CEP350: variants seen among roughly 807,000 people sequenced by gnomAD.
The protein encoded by CEP350 is centrosomal protein 350, also known as centrosome-associated protein 350.
A neutral mutation model predicts 331.8 loss-of-function variants in CEP350; 126 were observed. That is an observed-to-expected ratio of 0.38 (90% CI 0.33 to 0.44). The LOEUF is 0.44. CEP350 is among the 20% of genes least tolerant of loss of function. The pLI, the probability that CEP350 is intolerant of heterozygous loss-of-function variation, is 1.00. For missense variants in CEP350, 3,406 were observed against 3,634.6 expected (o/e 0.94, Z 1.62); for synonymous variants, 1,200 against 1,259.5 (o/e 0.95, Z 1.00).
At chr1:179,992,788 A>G (rs1208407877) in intron 5 of CEP350, among the ~76,000 whole-genome samples, 1 of 152,182 alleles carries the variant, frequency 6.6e-6, no homozygotes, top group Non-Finnish European at 1.5e-5. Flanking sequence ...ATAGCTTAAG[A>G]TATTCAACTG....
chr1:179,969,560 A>G, intron 1 of CEP350: 1 of 345,294 alleles, frequency 2.9e-6, no homozygotes, highest in South Asian at 2.3e-5. Context: ...GGTTGATGGA[A>G]AATAAGCAGC....
intron 14 of CEP350, 66 bp from the exon 15 acceptor site, chr1:180,031,254 T>A: frequency 1.1e-6 from 1 of 897,268 alleles, no homozygotes; most frequent in Non-Finnish European, 1.8e-6. Context: ...GAAATCTATA[T>A]ATCAATTATC....
intron 30 of CEP350, 129 bp downstream of exon 30, chr1:180,080,790 TGAA>T: frequency 2.6e-6 from 2 of 760,474 alleles, no homozygotes; most frequent in South Asian, 1.5e-5. Context: ...TGTAGGATTG[TGAA>T]GAAGATTAAT....
At chr1:180,101,348 A>G (rs1280305434) in intron 37 of CEP350, among the ~76,000 whole-genome samples, 1 of 152,172 alleles carries the variant, frequency 6.6e-6, no homozygotes, top group African/African-American at 2.4e-5. Flanking sequence ...AAGAAATGCT[A>G]AATGAACTAG....
chr1:179,991,171 A>G (rs1558083054), intron 4 of CEP350, among the ~76,000 whole-genome samples: 1 of 151,886 alleles, frequency 6.6e-6, no homozygotes, highest in Non-Finnish European at 1.5e-5. Context: ...TGGAAATGAA[A>G]TTTAGTTGAC....
Position 180,084,223 on chromosome 1 carries a change from A to T in CEP350, c.6285+45A>T, listed in dbSNP as rs201339962. ...GGGTTTAGTATCAAGGCTAATGTGT[A>T]TGTGACGTCTAAAATGTTTTTAATG... On this transcript the variant is annotated intron_variant, in intron 31 of 37. Transcript: ENST00000367607. 5.1e-5 allele frequency: 74 copies of T among 1,460,092 alleles called. No individual in the cohort carries two copies. The African/African-American group carries it at 1.1e-3, about 21-fold the overall frequency. The allele number at this position is 1,460,092 out of a possible 1,614,324, so 90.4% of individuals were successfully genotyped here.
intron 32 of CEP350, among the ~76,000 whole-genome samples, chr1:180,088,723 G>T (rs980693600): frequency 4.6e-5 from 7 of 152,078 alleles, no homozygotes; most frequent in African/African-American, 1.4e-4. Flanking sequence ...TTATTTAACC[G>T]CTCTGTGCTT....
intron 3 of CEP350, among the ~76,000 whole-genome samples, chr1:179,990,165 G>A (rs1242947859): frequency 1.3e-5 from 2 of 151,160 alleles, no homozygotes; most frequent in East Asian, 1.9e-4. Context: ...CAGCCTGCGC[G>A]ACAGACCGAG....
Position 180,034,129 on chromosome 1 carries a change from T to G in CEP350, c.3946+47T>G, listed in dbSNP as rs541220332. On this transcript the variant is annotated intron_variant, in intron 16 of 37. Transcript: ENST00000367607. ...TAATTTTTAGAATACGATATGAAAT[T>G]TTTTTCTCTCAACATTCCTTTTCTT... 8.6e-5 allele frequency: 134 copies of G among 1,560,072 alleles called. 1 individual carries two copies. The highest frequency in any genetic ancestry group is 4.1e-4 in the South Asian group (35 of 85,090).
intron 22 of CEP350, chr1:180,052,429 C>T (rs1657569890): frequency 6.4e-6 from 2 of 314,316 alleles, no homozygotes; most frequent in Non-Finnish European, 6.2e-6. Context: ...AGGGAAAATA[C>T]AGTTTGAGCC....
At chr1:180,066,276 C>T (rs1188478937) in intron 27 of CEP350, among the ~76,000 whole-genome samples, 1 of 152,106 alleles carries the variant, frequency 6.6e-6, no homozygotes, top group African/African-American at 2.4e-5. Context: ...CTGTAACCTC[C>T]ACCCCATATC....
At position 180,096,126 on chromosome 1, in the gene CEP350, G is replaced by A. The variant is rs1213071449; in HGVS notation, c.9008G>A (p.Arg3003Lys). The A allele has an allele frequency of 1.3e-6, 2 of 1,566,954 alleles. No homozygotes were observed. Among genetic ancestry groups the A allele is most frequent in the Non-Finnish European group, 1.7e-6 (2 of 1,153,916 alleles). ...LNQPVWMKPC[R>K]INSSYFRRVK... is the part of the protein sequence containing the mutation. Reference sequence around the variant, plus strand: ...CAACCTGTCTGGATGAAGCCATGTAGAATCAACTCTAGTTATTTCCGACGA... The same window carrying A: ...CAACCTGTCTGGATGAAGCCATGTAAAATCAACTCTAGTTATTTCCGACGA... Residue 3003 changes from arginine (R) to lysine (K), a missense_variant, in exon 36 of 38, where the codon AGA becomes AAA. Arg to Lys is a conservative substitution (Grantham distance 26). Coordinates refer to ENST00000367607, the MANE Select transcript of CEP350 (RefSeq NM_014810.5).
rs377416671 is a variant in CEP350, at chr1:179,996,551, A to C, written c.396-2A>C. 8.5e-6 allele frequency: 13 copies of C among 1,532,828 alleles called. No homozygotes were observed. The African/African-American group carries it at 1.7e-4, about 20-fold the overall frequency. 95.0% of individuals were successfully genotyped at this position (1,532,828 alleles called of 1,614,324 possible). A position where few individuals can be genotyped will look rare whatever the true frequency, so the allele number is the denominator to read the frequency against. ...CACAGAGCTTATTATTTTTTATTGT[A>C]GGGAAATCCATGGTGCACCTTCCAA... On this transcript the variant is annotated splice_acceptor_variant, in intron 5 of 37. Coordinates refer to ENST00000367607, the MANE Select transcript of CEP350 (RefSeq NM_014810.5). LOFTEE classifies it high-confidence loss of function.
At chr1:179,957,223 G>T (rs1650234279) in intron 1 of CEP350, among the ~76,000 whole-genome samples, 1 of 152,092 alleles carries the variant, frequency 6.6e-6, no homozygotes, top group African/African-American at 2.4e-5. Context: ...CAAGCCACAT[G>T]ATCAGTAACA....
At chr1:180,071,702 A>T (rs2149047889) in intron 27 of CEP350, among the ~76,000 whole-genome samples, 1 of 152,170 alleles carries the variant, frequency 6.6e-6, no homozygotes, top group African/African-American at 2.4e-5. Flanking sequence ...AGAGTCGCTG[A>T]ACCTGGGAGG....
chr1:179,983,519 G>A (rs1023605292), intron 1 of CEP350, among the ~76,000 whole-genome samples: 1 of 152,214 alleles, frequency 6.6e-6, no homozygotes, highest in Admixed American at 6.5e-5. Flanking sequence ...ACAGGCTTGA[G>A]CCACTGTGCC....
chr1:180,095,559 C>G lies in CEP350; in HGVS notation c.8548C>G (p.Leu2850Val). Residue 2850 changes from leucine (L) to valine (V), a missense_variant, in exon 35 of 38, where the codon CTT becomes GTT. This residue lies in a region of CEP350 where 1,415 missense variants were observed against 1,512.3 expected (regional missense o/e 0.94). Coordinates refer to ENST00000367607, the MANE Select transcript of CEP350 (RefSeq NM_014810.5). ...ATTTGGTGCCAGTGGGCAGGAAGAA[C>G]TTGCTAAGAGACTTGCTGAACTTGA... is the stretch of plus-strand genomic sequence containing the variant. ...PVFGASGQEE[L>V]AKRLAELELS... is the part of the protein sequence containing the mutation. 1 of 1,613,840 alleles carries G rather than the reference C, an allele frequency of 6.2e-7. No homozygotes were observed. The highest frequency in any genetic ancestry group is 1.1e-5 in the South Asian group (1 of 91,074).
chr1:180,024,619 C>T (rs1249043421), intron 14 of CEP350, 37 bp downstream of exon 14: 2 of 1,561,278 alleles, frequency 1.3e-6, no homozygotes, highest in Non-Finnish European at 8.7e-7. Context: ...TTTCTCTTAC[C>T]AATGATTTTG....
At chr1:179,957,679 G>A (rs948603527) in intron 1 of CEP350, among the ~76,000 whole-genome samples, 5 of 152,126 alleles carry the variant, frequency 3.3e-5, no homozygotes, top group Admixed American at 6.6e-5. Flanking sequence ...CAACTCTTGG[G>A]AATATATTCC....
Sources: allele counts gnomAD v4.1 joint callset (sites outside exome capture counted in the v4.1 genomes callset), GRCh38; gene constraint gnomAD v4.1.1; regional missense constraint gnomAD v4.1.1; transcripts MANE v1.5; gene names NCBI Gene and HGNC (gene_info 2026-07-23, HGNC 2026-07-21).